Variants in ADD3 observed in about 807,000 individuals in gnomAD.
ADD3 encodes the protein gamma-adducin.
ADD3 carries 25 observed loss-of-function variants against 80.2 expected under a neutral mutation model. That is an observed-to-expected ratio of 0.31 (90% confidence interval 0.23 to 0.44). The LOEUF (loss-of-function observed/expected upper bound fraction) is 0.44, where lower values mean the gene tolerates loss of function less well. Among genes scored for constraint, ADD3 ranks in the 20% least tolerant of loss-of-function variants. The pLI is 1.00. For missense variants in ADD3, 829 were observed against 847.5 expected, an observed-to-expected ratio of 0.98 and a Z score of 0.27; for synonymous variants, 284 against 289.6, an observed-to-expected ratio of 0.98 and a Z score of 0.20.
intron 8 of ADD3, among the ~76,000 whole-genome samples, chr10:110,120,612 T>C (rs1250266522): frequency 6.6e-6 from 1 of 152,126 alleles, no homozygotes; most frequent in Non-Finnish European, 1.5e-5. Flanking sequence ...CTGGGTCAAA[T>C]GGTATTTCTA....
intron 1 of ADD3, among the ~76,000 whole-genome samples, chr10:110,083,382 G>C (rs1413251036): frequency 6.6e-6 from 1 of 152,160 alleles, no homozygotes; most frequent in Non-Finnish European, 1.5e-5. Context: ...CGGGCATAGT[G>C]GCTGGCGCCT....
intron 1 of ADD3, among the ~76,000 whole-genome samples, chr10:110,074,355 A>C (rs1845133113): frequency 6.6e-6 from 1 of 152,138 alleles, no homozygotes; most frequent in Non-Finnish European, 1.5e-5. Context: ...GGAATGTTTC[A>C]TTCACTCCCC....
chr10:110,025,293 C>A (rs1050126132), intron 1 of ADD3, among the ~76,000 whole-genome samples: 6 of 151,926 alleles, frequency 3.9e-5, no homozygotes, highest in African/African-American at 1.4e-4. Flanking sequence ...TTCACTCATA[C>A]TATAGTATAA....
At chr10:110,071,157 C>T (rs780687713) in intron 1 of ADD3, among the ~76,000 whole-genome samples, 2 of 151,816 alleles carry the variant, frequency 1.3e-5, no homozygotes, top group African/African-American at 2.4e-5. Flanking sequence ...GTATTTGAAA[C>T]GTAAAACATA....
chr10:110,052,776 T>C (rs956261006), intron 1 of ADD3, among the ~76,000 whole-genome samples: 10 of 152,234 alleles, frequency 6.6e-5, no homozygotes, highest in African/African-American at 2.4e-4. Flanking sequence ...TCAGAGGTTA[T>C]ATTTGATAGG....
intron 1 of ADD3, among the ~76,000 whole-genome samples, chr10:110,082,843 C>T (rs183330180): frequency 6.6e-6 from 1 of 152,252 alleles, no homozygotes; most frequent in Non-Finnish European, 1.5e-5. Flanking sequence ...ACTTTTCAGT[C>T]AGCTTAAGAC....
chr10:110,120,161 T>A (rs1851280211), intron 8 of ADD3, among the ~76,000 whole-genome samples: 1 of 150,756 alleles, frequency 6.6e-6, no homozygotes, highest in Non-Finnish European at 1.5e-5. Context: ...GCCATGCTGG[T>A]GCGCTGCACC....
intron 2 of ADD3, among the ~76,000 whole-genome samples, chr10:110,111,544 C>T (rs1850002060): frequency 6.6e-6 from 1 of 152,100 alleles, no homozygotes. Context: ...CTGTTTCTGC[C>T]ACTACCTCAC....
At chr10:110,033,248 A>C (rs992562915) in intron 1 of ADD3, among the ~76,000 whole-genome samples, 1 of 152,240 alleles carries the variant, frequency 6.6e-6, no homozygotes, top group African/African-American at 2.4e-5. Flanking sequence ...CAAGTTAGTG[A>C]AGGGCTGCTA....
upstream of ADD3, among the ~76,000 whole-genome samples, chr10:110,006,441 C>A (rs1851643132): frequency 6.6e-6 from 1 of 152,168 alleles, no homozygotes; most frequent in Non-Finnish European, 1.5e-5. Context: ...CTCCCAATAT[C>A]TCTCTCAAAT....
intron 9 of ADD3, among the ~76,000 whole-genome samples, chr10:110,123,569 A>G (rs1482711810): frequency 6.6e-6 from 1 of 152,026 alleles, no homozygotes; most frequent in Non-Finnish European, 1.5e-5. Context: ...TGAGTCCCCT[A>G]TATATTTTGG....
intron 1 of ADD3, among the ~76,000 whole-genome samples, chr10:110,023,441 T>C (rs886837050): frequency 6.6e-6 from 1 of 152,208 alleles, no homozygotes; most frequent in South Asian, 2.1e-4. Context: ...TATTCTATTA[T>C]AGCAGCCTGA....
intron 1 of ADD3, among the ~76,000 whole-genome samples, chr10:110,036,395 T>C (rs566115373): frequency 2.0e-5 from 3 of 149,030 alleles, no homozygotes; most frequent in African/African-American, 5.0e-5. Context: ...TTTTTTTTTT[T>C]CTTGAGACGA....
At chr10:110,099,955 G>A (rs1468911493) in intron 1 of ADD3, among the ~76,000 whole-genome samples, 1 of 152,166 alleles carries the variant, frequency 6.6e-6, no homozygotes, top group East Asian at 1.9e-4. Flanking sequence ...TACTTAGAAA[G>A]TATGACTTTG....
At chr10:110,016,931 A>G (rs1853072864) in intron 1 of ADD3, among the ~76,000 whole-genome samples, 1 of 152,198 alleles carries the variant, frequency 6.6e-6, no homozygotes, top group African/African-American at 2.4e-5. Context: ...GAAAATATGA[A>G]TTGAAAGGAA....
intron 1 of ADD3, among the ~76,000 whole-genome samples, chr10:110,012,848 C>T (rs1260999167): frequency 1.3e-5 from 2 of 152,124 alleles, no homozygotes; most frequent in African/African-American, 4.8e-5. Flanking sequence ...ATCCTCCCAC[C>T]TCAGCCTCCC....
chr10:110,058,921 A>G (rs998296032), intron 1 of ADD3, among the ~76,000 whole-genome samples: 2 of 152,216 alleles, frequency 1.3e-5, no homozygotes, highest in Admixed American at 6.5e-5. Context: ...CCCAGTGCCT[A>G]CAACACTGTC....
At chr10:110,025,096 A>C (rs1242421280) in intron 1 of ADD3, among the ~76,000 whole-genome samples, 1 of 151,872 alleles carries the variant, frequency 6.6e-6, no homozygotes, top group Non-Finnish European at 1.5e-5. Flanking sequence ...GGGTTTTGCC[A>C]TGTTGGCCAG....
At chr10:110,048,951 C>T (rs1857194941) in intron 1 of ADD3, among the ~76,000 whole-genome samples, 1 of 152,210 alleles carries the variant, frequency 6.6e-6, no homozygotes, top group African/African-American at 2.4e-5. Context: ...GTGCCAGCCC[C>T]TCCCATCACA....
Sources: gnomAD v4.1 joint callset for allele counts (sites outside exome capture counted in the v4.1 genomes callset) on GRCh38, gnomAD v4.1.1 for gene constraint, MANE v1.5 for transcripts, NCBI Gene and HGNC (gene_info 2026-07-23, HGNC 2026-07-21) for gene names.